The following WNT4 variants were observed in gnomAD, a reference collection of about 807,000 sequenced individuals.
WNT4 encodes protein Wnt-4.
WNT4 carries 16 observed loss-of-function variants against 34.5 expected under a neutral mutation model. The ratio of observed to expected loss-of-function variants is 0.46; its 90% CI spans 0.31 to 0.70. WNT4 has a LOEUF of 0.70. Among genes scored for constraint, WNT4 ranks in the 30% least tolerant of loss-of-function variants. The pLI is 0.04. For synonymous variants in WNT4, 200 were observed against 211.9 expected (o/e 0.94, Z 0.49); for missense variants, 379 against 495.9 (o/e 0.76, Z 2.24).
In WNT4 at chr1:22,120,046, G is replaced by C. The variant is rs1202021502; in HGVS notation, c.*4C>G. On this transcript the variant is annotated 3_prime_UTR_variant, in exon 5 of 5. Coordinates refer to ENST00000290167, the MANE Select transcript of WNT4 (RefSeq NM_030761.5). ...TGGTTGCCGGCGCAGGGCTAGGCAG[G>C]CGGTCATCGGCACGTGTGCAACTCC... is the stretch of plus-strand genomic sequence containing the variant. 6.2e-7 allele frequency: 1 copy of C among 1,606,072 alleles called. No homozygotes were observed. Among genetic ancestry groups the C allele is most frequent in the Middle Eastern group, 1.8e-4 (1 of 5,702 alleles).
Position 22,137,868 on chromosome 1 carries a change from G to A in WNT4, c.77+4978C>T, listed in dbSNP as rs1448402162. ...CTGCCACCCACCTCTGTGCCTTTTAGTATCACCTGAGCCTCAGGGCAGTGG... is the reference window on the plus strand; with the variant it reads ...CTGCCACCCACCTCTGTGCCTTTTAATATCACCTGAGCCTCAGGGCAGTGG... On this transcript the variant is annotated intron_variant, in intron 1 of 4. Coordinates refer to ENST00000290167, the MANE Select transcript of WNT4 (RefSeq NM_030761.5). The surrounding 1 kb of genome is among the most constrained non-coding windows in gnomAD (Gnocchi z 5.3). Among the ~76,000 whole-genome samples, 2 of 152,204 alleles carry A rather than the reference G, an allele frequency of 1.3e-5. No individual in the cohort carries two copies. Among genetic ancestry groups the A allele is most frequent in the Non-Finnish European group, 2.9e-5 (2 of 68,030 alleles).
At chr1:22,135,927 C>T (rs377653757) in intron 1 of WNT4, among the ~76,000 whole-genome samples, 116 of 152,276 alleles carry the variant, frequency 7.6e-4, no homozygotes, top group African/African-American at 2.6e-3. Flanking sequence ...CCTGGGACCC[C>T]TCGCTCCCAT....
chr1:22,120,474 A>G lies in WNT4; in HGVS notation c.632T>C (p.Val211Ala). ...CGTCTTTACCTCACAGGAGCCTGAC[A>G]CCCCGTGGCACTTGCATTCCACCCG... is the stretch of plus-strand genomic sequence containing the variant. ...HMRVECKCHG[V>A]SGSCEVKTCW... Residue 211 changes from valine to alanine, a missense_variant, in exon 5 of 5, where the codon GTG becomes GCG. Coordinates refer to ENST00000290167, the MANE Select transcript of WNT4 (RefSeq NM_030761.5). The G allele has an allele frequency of 6.2e-7, 1 of 1,612,990 alleles. No individual in the cohort carries two copies. Among genetic ancestry groups the G allele is most frequent in the Non-Finnish European group, 8.5e-7 (1 of 1,179,792 alleles).
chr1:22,135,930 G>A (rs1201809615), intron 1 of WNT4, among the ~76,000 whole-genome samples: 8 of 152,026 alleles, frequency 5.3e-5, no homozygotes, highest in East Asian at 3.8e-4. Context: ...GGGACCCCTC[G>A]CTCCCATCTC....
chr1:22,138,483 G>C (rs938470086), intron 1 of WNT4, among the ~76,000 whole-genome samples: 3 of 152,228 alleles, frequency 2.0e-5, no homozygotes, highest in Non-Finnish European at 4.4e-5. Flanking sequence ...CTATCTAGCC[G>C]GTAAAGGTCA....
At chr1:22,131,997 C>T (rs1249552254) in intron 1 of WNT4, among the ~76,000 whole-genome samples, 9 of 152,212 alleles carry the variant, frequency 5.9e-5, no homozygotes, top group Admixed American at 5.9e-4. Context: ...GCTTCTCAGC[C>T]CTGCCTGGGT....
In WNT4 at chr1:22,119,967, T is replaced by TG; in HGVS notation, c.*82dup. ...AACAAAAAATACAACCAGTATCTCT[T>TG]GGGGTAGGTGGTGGGAGACTGTTTA... On this transcript the variant is annotated 3_prime_UTR_variant, in exon 5 of 5. Coordinates refer to ENST00000290167, the MANE Select transcript of WNT4 (RefSeq NM_030761.5). The TG allele has an allele frequency of 2.0e-6, 3 of 1,497,032 alleles. No homozygotes were observed. Among genetic ancestry groups the TG allele is most frequent in the Non-Finnish European group, 2.7e-6 (3 of 1,098,978 alleles). 92.7% of individuals were successfully genotyped at this position (1,497,032 alleles called of 1,614,324 possible). A position where few individuals can be genotyped will look rare whatever the true frequency, so the allele number is the denominator to read the frequency against.
At chr1:22,122,181 G>T (rs1369977455) in intron 2 of WNT4, among the ~76,000 whole-genome samples, 1 of 152,192 alleles carries the variant, frequency 6.6e-6, no homozygotes, top group Non-Finnish European at 1.5e-5. Flanking sequence ...CTTCCTTAGA[G>T]TAAACCGTAA....
intron 2 of WNT4, among the ~76,000 whole-genome samples, 184 bp downstream of exon 2, chr1:22,129,432 G>C (rs1645965218): frequency 6.6e-6 from 1 of 152,330 alleles, no homozygotes; most frequent in East Asian, 1.9e-4. Flanking sequence ...ATCCCACCTG[G>C]ATCATCCTCC....
At position 22,137,636 on chromosome 1, in the gene WNT4, C is replaced by G. The variant is rs1646032881; in HGVS notation, c.77+5210G>C. Among the ~76,000 whole-genome samples the G allele has an allele frequency of 1.3e-5, 2 of 152,206 alleles. No homozygotes were observed. The highest frequency in any genetic ancestry group is 4.8e-5 in the African/African-American group (2 of 41,454). On this transcript the variant is annotated intron_variant, in intron 1 of 4. Transcript: ENST00000290167. This position sits in a 1 kb window ranked among gnomAD's most constrained non-coding sequence, Gnocchi z 5.3. ...CTTGTCAGATGCTTGCTGTGTTGCT[C>G]AATTGCTAATCCAGGGCTGAGGGAA...
chr1:22,131,641 A>G (rs773539411), intron 1 of WNT4, among the ~76,000 whole-genome samples: 4 of 152,176 alleles, frequency 2.6e-5, no homozygotes, highest in Non-Finnish European at 5.9e-5. Context: ...AGGGCTGCCA[A>G]GAGGAATGCC....
rs777311212 is a variant in WNT4 at position 22,129,721 on chromosome 1, C to CGCG, written c.205_207dup (p.Arg69dup). On this transcript the variant is annotated inframe_insertion, in exon 2 of 5. Coordinates refer to ENST00000290167, the MANE Select transcript of WNT4 (RefSeq NM_030761.5). ...CACTCCTCAATGGCCAGCTGGGCAC[C>CGCG]GCGGCGCACCGAGTCCATGACTTCC... 1 of 1,613,994 alleles carries CGCG rather than the reference C, an allele frequency of 6.2e-7. No individual in the cohort carries two copies. Among genetic ancestry groups the CGCG allele is most frequent in the Non-Finnish European group, 8.5e-7 (1 of 1,180,038 alleles).
rs1016658838 is a variant in WNT4 at position 22,134,030 on chromosome 1, C to T, written c.78-4179G>A. Among the ~76,000 whole-genome samples the T allele has an allele frequency of 6.6e-6, 1 of 152,178 alleles. No individual in the cohort carries two copies. The highest frequency in any genetic ancestry group is 1.5e-5 in the Non-Finnish European group (1 of 68,050). ...CCTCTGCGACTCCTCCCAGCTCTTA[C>T]GCTGTGAGTCAAGAGGAGAGGGGAC... On this transcript the variant is annotated intron_variant, in intron 1 of 4. Transcript: ENST00000290167. The surrounding 1 kb of genome is among the most constrained non-coding windows in gnomAD (Gnocchi z 4.1).
At chr1:22,124,535 G>A (rs1352231938) in intron 2 of WNT4, among the ~76,000 whole-genome samples, 1 of 152,198 alleles carries the variant, frequency 6.6e-6, no homozygotes, top group Non-Finnish European at 1.5e-5. Context: ...GGCTTGCTAT[G>A]TGCTGTCTAA....
chr1:22,127,859 A>T (rs1645952297), intron 2 of WNT4, among the ~76,000 whole-genome samples: 1 of 152,204 alleles, frequency 6.6e-6, no homozygotes, highest in Non-Finnish European at 1.5e-5. Context: ...TGAGCCCTCA[A>T]GAAGGGGGCT....
chr1:22,133,678 C>T (rs1394825265), intron 1 of WNT4, among the ~76,000 whole-genome samples: 1 of 152,224 alleles, frequency 6.6e-6, no homozygotes, highest in Non-Finnish European at 1.5e-5. Flanking sequence ...GCCCTGGCCA[C>T]CCAGGACTCT....
Position 22,120,348 on chromosome 1 carries a change from C to T in WNT4, c.758G>A (p.Arg253Lys), listed in dbSNP as rs776212662. 6.2e-7 allele frequency: 1 copy of T among 1,614,234 alleles called. No homozygotes were observed. The highest frequency in any genetic ancestry group is 1.1e-5 in the South Asian group (1 of 91,092). Reference protein sequence around the residue: ...EVEPRRVGSSRALVPRNAQFK... With the variant: ...EVEPRRVGSSKALVPRNAQFK... ...CTGTGCGTTGCGTGGCACCAGTGCC[C>T]TGGAGGAGCCCACGCGGCGTGGCTC... is the stretch of plus-strand genomic sequence containing the variant. The change falls in exon 5 of 5, where the codon AGG becomes AAG. Residue 253 changes from arginine (R) to lysine (K), a missense_variant. Around this residue, in one of 2 missense-constraint regions of WNT4, gnomAD observed 313 missense variants for 445.8 expected, o/e 0.70. Coordinates refer to ENST00000290167, the MANE Select transcript of WNT4 (RefSeq NM_030761.5).
In WNT4 at chr1:22,142,694, C is replaced by G; in HGVS notation, c.77+152G>C. On this transcript the variant is annotated intron_variant, in intron 1 of 4. Coordinates refer to ENST00000290167, the MANE Select transcript of WNT4 (RefSeq NM_030761.5). This position sits in a 1 kb window ranked among gnomAD's most constrained non-coding sequence, Gnocchi z 6.0. ...GTGCAGAGGGACGTTCGGGCCGTGG[C>G]GGCGGCAGCGGAGCGAGCGAGCCTC... 1 of 439,036 alleles carries G rather than the reference C, an allele frequency of 2.3e-6. No homozygotes were observed. Among genetic ancestry groups the G allele is most frequent in the Non-Finnish European group, 3.0e-6 (1 of 330,874 alleles). The allele number at this position is 439,036 out of a possible 1,614,324, so 27.2% of individuals were successfully genotyped here. A position where few individuals can be genotyped will look rare whatever the true frequency, so the allele number is the denominator to read the frequency against.
In WNT4 at chr1:22,130,788, C is replaced by T. The variant is rs115808698; in HGVS notation, c.78-937G>A. Among the ~76,000 whole-genome samples, 796 of 152,212 alleles carry T rather than the reference C, an allele frequency of 5.2e-3. 9 individuals are homozygous for T. The highest frequency in any genetic ancestry group is 0.017 in the African/African-American group (726 of 41,526). On this transcript the variant is annotated intron_variant, in intron 1 of 4. Coordinates refer to ENST00000290167, the MANE Select transcript of WNT4 (RefSeq NM_030761.5). ...GGCCCGAGGCAATGAGGCAGGAAGTCGCCATTTGTTTGCTGAATGAGGGAA... is the reference window on the plus strand; with the variant it reads ...GGCCCGAGGCAATGAGGCAGGAAGTTGCCATTTGTTTGCTGAATGAGGGAA...
Sources: gnomAD v4.1 joint callset for allele counts (sites outside exome capture counted in the v4.1 genomes callset) on GRCh38, gnomAD v4.1.1 for gene constraint, gnomAD v4.1.1 regional missense constraint, Gnocchi (gnomAD v3.1) non-coding constraint, MANE v1.5 for transcripts, NCBI Gene and HGNC (gene_info 2026-07-23, HGNC 2026-07-21) for gene names.